Variants in CSMD1 observed in about 807,000 individuals in gnomAD.
CSMD1 encodes CUB and sushi domain-containing protein 1.
In CSMD1, 213 loss-of-function variants were observed where a neutral mutation model predicts 417.5. The observed-to-expected ratio is 0.51, with a 90% CI of 0.46 to 0.57. CSMD1 has a LOEUF of 0.57. CSMD1 is among the 20% of genes least tolerant of loss of function. The pLI, the probability that CSMD1 is intolerant of heterozygous loss-of-function variation, is 0.00. For missense variants in CSMD1, 6,923 were observed against 4,529.7 expected (o/e 1.53, Z -15.17); for synonymous variants, 2,862 against 1,736.8 (o/e 1.65, Z -16.11).
At chr8:3,266,009 T>A (rs143341564) in intron 26 of CSMD1, among the ~76,000 whole-genome samples, 1 of 152,098 alleles carries the variant, frequency 6.6e-6, no homozygotes, top group Non-Finnish European at 1.5e-5. Context: ...CTAATTGGCA[T>A]CTTACAGGTT....
At chr8:3,747,699 A>C (rs536656849) in intron 6 of CSMD1, among the ~76,000 whole-genome samples, 1 of 152,118 alleles carries the variant, frequency 6.6e-6, no homozygotes, top group Non-Finnish European at 1.5e-5. Flanking sequence ...TCTGTTGGAC[A>C]CATGCCTGAA....
chr8:4,006,135 A>G (rs367899614), intron 4 of CSMD1, among the ~76,000 whole-genome samples: 1 of 152,182 alleles, frequency 6.6e-6, no homozygotes, highest in African/African-American at 2.4e-5. Flanking sequence ...TCACATATCA[A>G]CCACAGATGA....
At chr8:4,111,285 T>C (rs1801840969) in intron 3 of CSMD1, among the ~76,000 whole-genome samples, 1 of 152,154 alleles carries the variant, frequency 6.6e-6, no homozygotes, top group African/African-American at 2.4e-5. Context: ...ATCAGTGAAA[T>C]CTTATGAGCA....
intron 10 of CSMD1, among the ~76,000 whole-genome samples, chr8:3,565,195 TAGAC>T (rs1275898823): frequency 1.6e-4 from 11 of 67,884 alleles, no homozygotes; most frequent in South Asian, 5.1e-4. Context: ...GATACATAGA[TAGAC>T]AGATAGATAG....
chr8:4,906,526 A>G (rs2117068503), intron 1 of CSMD1, among the ~76,000 whole-genome samples: 1 of 151,976 alleles, frequency 6.6e-6, no homozygotes, highest in Non-Finnish European at 1.5e-5. Context: ...TTTATTCTAA[A>G]TATTTTAAAT....
intron 10 of CSMD1, among the ~76,000 whole-genome samples, chr8:3,556,949 C>T (rs1478097304): frequency 6.6e-6 from 1 of 152,160 alleles, no homozygotes; most frequent in Admixed American, 6.5e-5. Flanking sequence ...TAAAGCCTCA[C>T]TTAGAGAACT....
chr8:4,672,444 C>G (rs1186678003), intron 1 of CSMD1, among the ~76,000 whole-genome samples: 1 of 151,972 alleles, frequency 6.6e-6, no homozygotes, highest in South Asian at 2.1e-4. Context: ...GTAAAATAAC[C>G]CATTTTCTCA....
At chr8:4,815,595 C>T (rs1407693885) in intron 1 of CSMD1, among the ~76,000 whole-genome samples, 2 of 148,308 alleles carry the variant, frequency 1.3e-5, no homozygotes, top group African/African-American at 5.0e-5. Context: ...ATTTGGGAGG[C>T]TGAGGCAGGA....
intron 6 of CSMD1, among the ~76,000 whole-genome samples, chr8:3,721,396 G>C (rs1385362393): frequency 3.3e-5 from 5 of 152,230 alleles, no homozygotes; most frequent in South Asian, 2.1e-4. Context: ...AGGTTTTTAG[G>C]ATCAGTCCCA....
rs200921779 is a variant in CSMD1 at position 4,796,387 on chromosome 8, CCTGT to C, written c.86-158833_86-158830del. Reference sequence around the variant, plus strand: ...CTTTATAAAGTTTATTCCTGATCTCCCTGTCTAAGGGCATTTACTTTAGGAAACT... The same window carrying C: ...CTTTATAAAGTTTATTCCTGATCTCCCTAAGGGCATTTACTTTAGGAAACT... On this transcript the variant is annotated intron_variant, in intron 1 of 69. Transcript: ENST00000635120. Among the ~76,000 whole-genome samples, 68 of 152,032 alleles carry C rather than the reference CCTGT, an allele frequency of 4.5e-4. No homozygotes were observed. The East Asian group carries it at 0.012, about 27-fold the overall frequency.
chr8:4,661,812 G>A (rs1369614628), intron 1 of CSMD1, among the ~76,000 whole-genome samples: 2 of 152,164 alleles, frequency 1.3e-5, no homozygotes, highest in Non-Finnish European at 2.9e-5. Context: ...TTAGCATGAA[G>A]AATATGTTAG....
At chr8:4,218,198 T>A (rs1800800679) in intron 3 of CSMD1, among the ~76,000 whole-genome samples, 1 of 152,178 alleles carries the variant, frequency 6.6e-6, no homozygotes, top group East Asian at 1.9e-4. Context: ...TAATCACTCT[T>A]GTTGGCACTT....
At chr8:3,468,101 G>A (rs1323830089) in intron 12 of CSMD1, among the ~76,000 whole-genome samples, 2 of 152,070 alleles carry the variant, frequency 1.3e-5, no homozygotes, top group African/African-American at 4.8e-5. Context: ...TAGACAATCA[G>A]AAATACTGAA....
At chr8:4,116,917 A>G (rs538917159) in intron 3 of CSMD1, among the ~76,000 whole-genome samples, 60 of 152,140 alleles carry the variant, frequency 3.9e-4, no homozygotes, top group African/African-American at 1.3e-3. Flanking sequence ...GGTACTCGAA[A>G]TGTGTACCAT....
chr8:4,358,398 T>G (rs1178155581), intron 3 of CSMD1, among the ~76,000 whole-genome samples: 1 of 152,122 alleles, frequency 6.6e-6, no homozygotes, highest in Non-Finnish European at 1.5e-5. Context: ...GGGGACTGTT[T>G]CGTGACACGT....
chr8:4,568,527 G>C (rs74576121), intron 2 of CSMD1, among the ~76,000 whole-genome samples: 1 of 152,052 alleles, frequency 6.6e-6, no homozygotes, highest in Non-Finnish European at 1.5e-5. Flanking sequence ...TCATTGATGG[G>C]CATTTGGGTT....
chr8:4,036,877 C>T (rs563888766), intron 3 of CSMD1, among the ~76,000 whole-genome samples: 6 of 152,294 alleles, frequency 3.9e-5, no homozygotes, highest in African/African-American at 1.4e-4. Context: ...GTCCAGTTTC[C>T]TCCATATCCC....
chr8:4,075,011 G>A (rs777216393), intron 3 of CSMD1, among the ~76,000 whole-genome samples: 1 of 152,108 alleles, frequency 6.6e-6, no homozygotes, highest in Non-Finnish European at 1.5e-5. Context: ...GGACATGCCT[G>A]TCTTTACTCA....
intron 1 of CSMD1, among the ~76,000 whole-genome samples, chr8:4,758,253 T>A (rs957220672): frequency 6.6e-6 from 1 of 152,160 alleles, no homozygotes; most frequent in African/African-American, 2.4e-5. Flanking sequence ...CCACCGACTA[T>A]AATGAAGGAT....
Sources: gnomAD v4.1 joint callset for allele counts (sites outside exome capture counted in the v4.1 genomes callset) on GRCh38, gnomAD v4.1.1 for gene constraint, MANE v1.5 for transcripts, NCBI Gene and HGNC (gene_info 2026-07-23, HGNC 2026-07-21) for gene names.